GMDS: variants seen among roughly 807,000 people sequenced by gnomAD.
GMDS encodes GDP-mannose 4,6 dehydratase.
Under a neutral mutation model 49.9 loss-of-function variants are expected in GMDS, and 20 were observed. The observed-to-expected ratio is 0.40, with a 90% CI of 0.28 to 0.58. GMDS has a LOEUF of 0.58. GMDS is among the 20% of genes least tolerant of loss of function. The pLI, the probability that GMDS is intolerant of heterozygous loss-of-function variation, is 0.42. For synonymous variants in GMDS, 177 were observed against 178.6 expected, an observed-to-expected ratio of 0.99 and a Z score of 0.07; for missense variants, 362 against 481.4, an observed-to-expected ratio of 0.75 and a Z score of 2.32.
At chr6:1,632,592 C>T (rs1581390551) in intron 9 of GMDS, among the ~76,000 whole-genome samples, 1 of 152,190 alleles carries the variant, frequency 6.6e-6, no homozygotes, top group Non-Finnish European at 1.5e-5. Flanking sequence ...AACACAAAAA[C>T]GTGGCCAGGC....
At chr6:2,151,533 A>G (rs1364637502) in intron 1 of GMDS, among the ~76,000 whole-genome samples, 2 of 152,064 alleles carry the variant, frequency 1.3e-5, no homozygotes, top group Non-Finnish European at 2.9e-5. Flanking sequence ...CCAGGAAGGT[A>G]AATTCTTGTA....
At chr6:1,774,069 T>C (rs1768692037) in intron 7 of GMDS, among the ~76,000 whole-genome samples, 1 of 152,226 alleles carries the variant, frequency 6.6e-6, no homozygotes, top group African/African-American at 2.4e-5. Context: ...AAGAAAGTGA[T>C]GACCATTGTT....
At chr6:1,663,487 C>A (rs796734089) in intron 9 of GMDS, among the ~76,000 whole-genome samples, 11 of 152,310 alleles carry the variant, frequency 7.2e-5, no homozygotes, top group African/African-American at 2.6e-4. Flanking sequence ...TTGCTTTTAT[C>A]CTTGCCCCTG....
At position 1,640,818 on chromosome 6, in the gene GMDS, G is replaced by T. The variant is rs943310269; in HGVS notation, c.988-16278C>A. Among the ~76,000 whole-genome samples, 3 of 152,148 alleles carry T rather than the reference G, an allele frequency of 2.0e-5. No individual in the cohort carries two copies. The highest frequency in any genetic ancestry group is 4.4e-5 in the Non-Finnish European group (3 of 68,032). On this transcript the variant is annotated intron_variant, in intron 9 of 10. Coordinates refer to ENST00000380815, the MANE Select transcript of GMDS (RefSeq NM_001500.4). The surrounding 1 kb of genome is among the most constrained non-coding windows in gnomAD (Gnocchi z 4.0). ...TGATAAAAAGAAAATTGGGTAATGG[G>T]GGGGGTCACGAATGCCAACACGGTA... is the stretch of plus-strand genomic sequence containing the variant.
At chr6:2,160,596 T>C (rs1341223114) in intron 1 of GMDS, among the ~76,000 whole-genome samples, 2 of 152,216 alleles carry the variant, frequency 1.3e-5, no homozygotes, top group Non-Finnish European at 2.9e-5. Flanking sequence ...GGCTGCAGTG[T>C]AGTGGTGCCA....
At chr6:1,700,056 A>G (rs895579960) in intron 9 of GMDS, among the ~76,000 whole-genome samples, 2 of 152,192 alleles carry the variant, frequency 1.3e-5, no homozygotes, top group Non-Finnish European at 2.9e-5. Flanking sequence ...CTTTTTCTAT[A>G]GAAGAACCAC....
At chr6:2,000,575 G>C (rs1766746640) in intron 4 of GMDS, among the ~76,000 whole-genome samples, 1 of 152,106 alleles carries the variant, frequency 6.6e-6, no homozygotes, top group Admixed American at 6.5e-5. Context: ...ATATTTTTAA[G>C]GTTCATCTAT....
At chr6:2,085,163 CA>C (rs113412903) in intron 4 of GMDS, among the ~76,000 whole-genome samples, 8,836 of 147,066 alleles carry the variant, frequency 0.06, 730 homozygotes, top group African/African-American at 0.19. Flanking sequence ...ATGAAAGAAG[CA>C]AAAAAAAAAA....
At chr6:2,229,949 T>C (rs1781001498) in intron 1 of GMDS, among the ~76,000 whole-genome samples, 1 of 152,104 alleles carries the variant, frequency 6.6e-6, no homozygotes, top group East Asian at 1.9e-4. Context: ...ACCTCCACAT[T>C]CCAAGCTGCC....
chr6:1,864,809 G>A (rs1037316405), intron 7 of GMDS, among the ~76,000 whole-genome samples: 5 of 152,120 alleles, frequency 3.3e-5, no homozygotes, highest in South Asian at 2.1e-4. Flanking sequence ...GCAAACACCC[G>A]ACAAGGCTGA....
chr6:1,671,539 T>C (rs1382899395), intron 9 of GMDS, among the ~76,000 whole-genome samples: 2 of 152,134 alleles, frequency 1.3e-5, no homozygotes, highest in Admixed American at 6.5e-5. Context: ...AGCAAATACG[T>C]AGAAACACGG....
At position 2,110,561 on chromosome 6, in the gene GMDS, C is replaced by T. The variant is rs151089677; in HGVS notation, c.345+5210G>A. On this transcript the variant is annotated intron_variant, in intron 4 of 10. Transcript: ENST00000380815. The stretch of plus-strand genomic sequence containing the variant: ...TCAACTCTGCCTCCTGACTGGCATC[C>T]CAAGCTTGAAGTCCCACGTGGAGGA... Among the ~76,000 whole-genome samples the T allele has an allele frequency of 9.4e-3, 1,433 of 152,208 alleles. 15 individuals are homozygous for T. The highest frequency in any genetic ancestry group is 0.014 in the Middle Eastern group (4 of 294).
At chr6:1,670,704 C>T (rs1267189090) in intron 9 of GMDS, among the ~76,000 whole-genome samples, 1 of 152,160 alleles carries the variant, frequency 6.6e-6, no homozygotes, top group African/African-American at 2.4e-5. Context: ...TTCAGTAGTG[C>T]TAGAGAGAAA....
At chr6:1,795,591 TAATC>T (rs141068098) in intron 7 of GMDS, among the ~76,000 whole-genome samples, 3,603 of 152,262 alleles carry the variant, frequency 0.024, 133 homozygotes, top group African/African-American at 0.08. Flanking sequence ...TTTAAAATGA[TAATC>T]AAACAATGAG....
intron 7 of GMDS, among the ~76,000 whole-genome samples, chr6:1,914,129 T>TTG (rs1163540214): frequency 7.3e-6 from 1 of 137,872 alleles, no homozygotes; most frequent in African/African-American, 2.9e-5. Context: ...CGTTTTTTGT[T>TTG]TGTTTTTTTT....
intron 1 of GMDS, among the ~76,000 whole-genome samples, chr6:2,178,148 A>C (rs1041162384): frequency 2.6e-5 from 4 of 152,232 alleles, no homozygotes; most frequent in Non-Finnish European, 5.9e-5. Context: ...GGAGGGAAGA[A>C]GGAGAGCAAC....
chr6:2,084,930 C>A (rs1772925503), intron 4 of GMDS, among the ~76,000 whole-genome samples: 1 of 152,182 alleles, frequency 6.6e-6, no homozygotes, highest in Admixed American at 6.5e-5. Flanking sequence ...GTGAAAGAAC[C>A]AGTCTTGCAA....
At chr6:1,799,981 A>G (rs565987014) in intron 7 of GMDS, among the ~76,000 whole-genome samples, 16 of 152,238 alleles carry the variant, frequency 1.1e-4, no homozygotes, top group African/African-American at 3.6e-4. Flanking sequence ...TTTAAAAAAA[A>G]TTAAAATCCC....
At chr6:1,995,872 T>A (rs902816245) in intron 4 of GMDS, among the ~76,000 whole-genome samples, 5 of 127,940 alleles carry the variant, frequency 3.9e-5, no homozygotes, top group Non-Finnish European at 8.3e-5. Context: ...ATTTCCTTCT[T>A]TTTGGTGATC....
Sources: allele counts gnomAD v4.1 joint callset (sites outside exome capture counted in the v4.1 genomes callset), GRCh38; gene constraint gnomAD v4.1.1; non-coding constraint Gnocchi (gnomAD v3.1); transcripts MANE v1.5; gene names NCBI Gene and HGNC (gene_info 2026-07-23, HGNC 2026-07-21).